Variants in CHST8 observed in about 807,000 individuals in gnomAD.
CHST8 encodes GALNAC-4-ST1.
CHST8 carries 10 observed loss-of-function variants against 15.0 expected under a neutral mutation model. That is an observed-to-expected ratio of 0.67 (90% CI 0.41 to 1.13). The LOEUF is 1.13. Ranked by LOEUF, CHST8 falls within the 50% of genes most tolerant of loss-of-function variation. The pLI is 0.00. For missense variants in CHST8, 634 were observed against 608.2 expected, an observed-to-expected ratio of 1.04 and a Z score of -0.45; for synonymous variants, 259 against 256.6, an observed-to-expected ratio of 1.01 and a Z score of -0.09.
At chr19:33,679,245 G>A (rs1014609428) in intron 2 of CHST8, among the ~76,000 whole-genome samples, 1 of 152,198 alleles carries the variant, frequency 6.6e-6, no homozygotes, top group Non-Finnish European at 1.5e-5. Flanking sequence ...TTTCCCTGCT[G>A]TGGCTGCGGA....
intron 2 of CHST8, among the ~76,000 whole-genome samples, chr19:33,668,596 GT>G (rs1972694081): frequency 6.6e-6 from 1 of 151,520 alleles, no homozygotes; most frequent in Non-Finnish European, 1.5e-5. Context: ...TCTGGCAAGT[GT>G]ATGAGAATCT....
chr19:33,757,842 C>A (rs1010035504), intron 3 of CHST8, among the ~76,000 whole-genome samples: 1 of 152,142 alleles, frequency 6.6e-6, no homozygotes, highest in African/African-American at 2.4e-5. Context: ...CATGTGTGCA[C>A]CACCACGCCA....
chr19:33,686,009 G>C (rs1972972644), intron 2 of CHST8, among the ~76,000 whole-genome samples: 1 of 152,198 alleles, frequency 6.6e-6, no homozygotes, highest in African/African-American at 2.4e-5. Flanking sequence ...TTTGCACGGA[G>C]CAGGGAGTTA....
At chr19:33,628,550 T>G (rs1972085860) in intron 1 of CHST8, among the ~76,000 whole-genome samples, 1 of 152,188 alleles carries the variant, frequency 6.6e-6, no homozygotes, top group Non-Finnish European at 1.5e-5. Context: ...TCTACACTGG[T>G]TGAAACCAGT....
In CHST8 at chr19:33,726,873, G is replaced by A. The variant is rs369494199; in HGVS notation, c.130+37482G>A. On this transcript the variant is annotated intron_variant, in intron 3 of 4. Coordinates refer to ENST00000650847, the MANE Select transcript of CHST8 (RefSeq NM_001127895.2). Reference sequence around the variant, plus strand: ...CCCTCAGGGCCATCCCGAGTGCTCAGCCTCAGTGCAGCTGCTCCTGCTCCC... The same window carrying A: ...CCCTCAGGGCCATCCCGAGTGCTCAACCTCAGTGCAGCTGCTCCTGCTCCC... Among the ~76,000 whole-genome samples the A allele has an allele frequency of 4.2e-4, 64 of 152,142 alleles. No individual in the cohort carries two copies. In the Middle Eastern group the frequency reaches 0.01, roughly 24 times the overall value.
At chr19:33,634,750 C>T (rs527668003) in intron 1 of CHST8, among the ~76,000 whole-genome samples, 1 of 148,458 alleles carries the variant, frequency 6.7e-6, no homozygotes, top group South Asian at 2.2e-4. Context: ...TCACAATGCC[C>T]AGAATAGTCC....
chr19:33,716,402 G>A (rs141060791), intron 3 of CHST8, among the ~76,000 whole-genome samples: 97 of 152,118 alleles, frequency 6.4e-4, no homozygotes, highest in African/African-American at 2.0e-3. Flanking sequence ...GGTCTCACTC[G>A]GTCACCCAGA....
chr19:33,661,002 G>T (rs1972578466), intron 1 of CHST8, among the ~76,000 whole-genome samples: 1 of 152,176 alleles, frequency 6.6e-6, no homozygotes, highest in Non-Finnish European at 1.5e-5. Flanking sequence ...GTGGCCTGGG[G>T]TTGGAGATTG....
At chr19:33,716,639 A>C (rs755080871) in intron 3 of CHST8, among the ~76,000 whole-genome samples, 1 of 152,180 alleles carries the variant, frequency 6.6e-6, no homozygotes, top group Non-Finnish European at 1.5e-5. Context: ...AGGTGCTGGA[A>C]TTACAGATGT....
chr19:33,686,847 G>C (rs1030329047), intron 2 of CHST8, among the ~76,000 whole-genome samples: 5 of 152,180 alleles, frequency 3.3e-5, no homozygotes, highest in African/African-American at 9.7e-5. Context: ...GCATGCACCC[G>C]GGCATGTATG....
intron 1 of CHST8, among the ~76,000 whole-genome samples, chr19:33,650,513 CTTTTCTTTTTT>C (rs1972428435): frequency 2.7e-5 from 1 of 36,854 alleles, no homozygotes; most frequent in East Asian, 7.6e-4. Flanking sequence ...TTTTCTTTTT[CTTTTCTTTTTT>C]TTTTTTTTTT....
At chr19:33,727,046 C>T (rs1224871572) in intron 3 of CHST8, among the ~76,000 whole-genome samples, 1 of 152,098 alleles carries the variant, frequency 6.6e-6, no homozygotes, top group Middle Eastern at 3.4e-3. Flanking sequence ...GCCCTCTCCT[C>T]CCCTTCCCAG....
chr19:33,645,761 A>G (rs1972347429), intron 1 of CHST8, among the ~76,000 whole-genome samples: 1 of 152,182 alleles, frequency 6.6e-6, no homozygotes, highest in Admixed American at 6.5e-5. Flanking sequence ...GTTATACCCC[A>G]ATGGGTTCTT....
intron 3 of CHST8, among the ~76,000 whole-genome samples, chr19:33,722,228 T>A (rs1314376218): frequency 6.9e-6 from 1 of 145,550 alleles, no homozygotes; most frequent in Non-Finnish European, 1.5e-5. Flanking sequence ...ATGAGCTGAA[T>A]GAATGGGTGG....
chr19:33,694,097 T>C (rs1239322199), intron 3 of CHST8, among the ~76,000 whole-genome samples: 1 of 58,388 alleles, frequency 1.7e-5, no homozygotes, highest in Admixed American at 2.1e-4. Flanking sequence ...TTTATTCATA[T>C]ATATATATAT....
chr19:33,721,023 A>G (rs1445032277), intron 3 of CHST8, among the ~76,000 whole-genome samples: 8 of 152,218 alleles, frequency 5.3e-5, no homozygotes, highest in Admixed American at 2.6e-4. Context: ...ACCTCTGGCC[A>G]TCCCAGGTTC....
intron 3 of CHST8, among the ~76,000 whole-genome samples, chr19:33,700,219 C>T (rs1028696522): frequency 1.3e-5 from 2 of 152,192 alleles, no homozygotes; most frequent in Admixed American, 6.5e-5. Flanking sequence ...AACGGCATTG[C>T]GGAACATCAT....
chr19:33,681,042 G>A (rs547228094), intron 2 of CHST8, among the ~76,000 whole-genome samples: 6 of 152,266 alleles, frequency 3.9e-5, no homozygotes. Context: ...ACATTGATAC[G>A]GTCGAGATAG....
chr19:33,702,608 G>A (rs888005592), intron 3 of CHST8, among the ~76,000 whole-genome samples: 2 of 152,222 alleles, frequency 1.3e-5, no homozygotes, highest in African/African-American at 2.4e-5. Context: ...AGGGGCAGGC[G>A]GTTCCGATGC....
Sources: allele counts gnomAD v4.1 joint callset (sites outside exome capture counted in the v4.1 genomes callset), GRCh38; gene constraint gnomAD v4.1.1; transcripts MANE v1.5; gene names NCBI Gene and HGNC (gene_info 2026-07-23, HGNC 2026-07-21).